BCLAF3: variants seen among roughly 807,000 people sequenced by gnomAD.
The protein encoded by BCLAF3 is BCLAF1 and THRAP3 family member 3, also known as transient octamer binding factor 1.
In BCLAF3, 24 loss-of-function variants were observed where a neutral mutation model predicts 51.2. The observed-to-expected ratio is 0.47, with a 90% CI of 0.34 to 0.66. BCLAF3 has a LOEUF of 0.66. Ranked by LOEUF, BCLAF3 falls within the 30% of genes least tolerant of loss-of-function variation. The probability of loss-of-function intolerance (pLI) is 0.01; values close to 1 mark genes in which losing one functional copy is unlikely to be tolerated. For synonymous variants in BCLAF3, 152 were observed against 176.6 expected (o/e 0.86, Z 1.10); for missense variants, 465 against 525.1 (o/e 0.89, Z 1.12).
chrX:19,937,248 T>C (rs2070801078), intron 9 of BCLAF3, 170 bp downstream of exon 9: 1 of 443,501 alleles, frequency 2.3e-6, no homozygotes, highest in Non-Finnish European at 4.0e-6. Context: ...CTAAATCAAG[T>C]AAGAAATGAC....
At chrX:19,976,210 C>G (rs1298575145) in intron 1 of BCLAF3, among the ~76,000 whole-genome samples, 1 of 111,665 alleles carries the variant, frequency 9.0e-6, no homozygotes, top group Non-Finnish European at 1.9e-5. Context: ...GGCAGCTCCA[C>G]CCTTCCAGTT....
At position 19,966,334 on chromosome X, in the gene BCLAF3, A is replaced by G. The variant is rs2072054443; in HGVS notation, c.357T>C (p.Gly119=). 8.3e-7 allele frequency: 1 copy of G among 1,209,209 alleles called. No individual in the cohort carries two copies. Among genetic ancestry groups the G allele is most frequent in the Admixed American group, 2.2e-5 (1 of 45,589 alleles). ...TCCTTTCATGCTCTTTGTAGGGTAT[A>G]CCCTCTGAGTATTTGGGCATATACT... ...RAQYMPKYSE[G]IPYKEHERNS... Residue 119 remains glycine, a synonymous_variant, in exon 3 of 12, where the codon GGT becomes GGC. Coordinates refer to ENST00000379682, the MANE Select transcript of BCLAF3 (RefSeq NM_001367774.2).
Position 19,966,574 on chromosome X carries a change from A to G in BCLAF3, c.117T>C (p.Tyr39=), listed in dbSNP as rs757545349. The G allele has an allele frequency of 3.3e-6, 4 of 1,209,235 alleles. No homozygotes were observed. The highest frequency in any genetic ancestry group is 4.5e-6 in the Non-Finnish European group (4 of 895,166). Residue 39 remains tyrosine (Y), a synonymous_variant, in exon 3 of 12, where the codon TAT becomes TAC. Transcript: ENST00000379682. ...CGACGGGTCTTTTTGGATCCTTCCT[A>G]TATTCACAGCCATAATGCCCGTGTG... ...RHSHGHYGCE[Y]RKDPKRPVAW...
intron 1 of BCLAF3, among the ~76,000 whole-genome samples, chrX:19,984,072 CA>C (rs1168246147): frequency 3.8e-3 from 58 of 15,429 alleles, no homozygotes; most frequent in East Asian, 0.016. Flanking sequence ...GACTCCATCT[CA>C]AAAAAAAAAA....
At chrX:19,924,478 C>T (rs1470378497) in intron 11 of BCLAF3, among the ~76,000 whole-genome samples, 1 of 111,216 alleles carries the variant, frequency 9.0e-6, no homozygotes, top group Non-Finnish European at 1.9e-5. Flanking sequence ...GCTCAAGGGA[C>T]CTGGCAAGTG....
rs2069936206 is a variant in BCLAF3, at chrX:19,916,330, T to C, written c.*975A>G. On this transcript the variant is annotated 3_prime_UTR_variant, in exon 12 of 12. Coordinates refer to ENST00000379682, the MANE Select transcript of BCLAF3 (RefSeq NM_001367774.2). The stretch of plus-strand genomic sequence containing the variant: ...ACAAAAATGTAATTGGGAATGTATA[T>C]GTACTGTTAAGCAGAACACAGAAAA... 2 of 112,805 alleles carry C rather than the reference T, an allele frequency of 1.8e-5. No individual in the cohort carries two copies. The highest frequency in any genetic ancestry group is 3.8e-5 in the Non-Finnish European group (2 of 53,250). The allele number at this position is 112,805 out of a possible 1,213,427, so 9.3% of individuals were successfully genotyped here.
chrX:19,936,156 G>A (rs763561106), intron 9 of BCLAF3, among the ~76,000 whole-genome samples: 2 of 111,636 alleles, frequency 1.8e-5, no homozygotes, highest in South Asian at 7.5e-4. Flanking sequence ...AAACATACTC[G>A]TGTATAACAT....
At position 19,916,754 on chromosome X, in the gene BCLAF3, G is replaced by A. The variant is rs1458086147; in HGVS notation, c.*551C>T. ...CCTGATGGAATATTTGAAGCACCTTGTCTCTTGCCTTCTTATAATATGAAA... is the reference window on the plus strand; with the variant it reads ...CCTGATGGAATATTTGAAGCACCTTATCTCTTGCCTTCTTATAATATGAAA... On this transcript the variant is annotated 3_prime_UTR_variant, in exon 12 of 12. Coordinates refer to ENST00000379682, the MANE Select transcript of BCLAF3 (RefSeq NM_001367774.2). The A allele has an allele frequency of 1.8e-5, 2 of 112,324 alleles. No homozygotes were observed. The highest frequency in any genetic ancestry group is 5.5e-4 in the East Asian group (2 of 3,624). 9.3% of individuals were successfully genotyped at this position (112,324 alleles called of 1,213,427 possible).
intron 8 of BCLAF3, among the ~76,000 whole-genome samples, chrX:19,940,281 T>A (rs769716803): frequency 0.014 from 1,564 of 109,292 alleles, 28 homozygotes; most frequent in African/African-American, 0.045. Flanking sequence ...TATTTATTTT[T>A]TTTTTTTTAT....
chrX:19,918,581 C>T (rs1284861636), intron 11 of BCLAF3, among the ~76,000 whole-genome samples: 6 of 89,206 alleles, frequency 6.7e-5, no homozygotes, highest in Non-Finnish European at 1.1e-4. Context: ...GTCTCCGTTG[C>T]CCAGGCTGGA....
rs899882922 is a variant in BCLAF3, at chrX:19,914,194, T to C, written c.*3111A>G. ...TGAGATGGAAGCAAAGACTTCGTTG[T>C]CCCAAGAGTTTTCCTTGACTCTCCT... is the stretch of plus-strand genomic sequence containing the variant. On this transcript the variant is annotated 3_prime_UTR_variant, in exon 12 of 12. Coordinates refer to ENST00000379682, the MANE Select transcript of BCLAF3 (RefSeq NM_001367774.2). The C allele has an allele frequency of 2.7e-5, 3 of 111,421 alleles. No individual in the cohort carries two copies. The highest frequency in any genetic ancestry group is 9.8e-5 in the African/African-American group (3 of 30,586). 9.2% of individuals were successfully genotyped at this position (111,421 alleles called of 1,213,427 possible).
chrX:19,975,941 C>T (rs2072412854), intron 1 of BCLAF3, among the ~76,000 whole-genome samples: 1 of 112,078 alleles, frequency 8.9e-6, no homozygotes, highest in South Asian at 3.7e-4. Flanking sequence ...CACCCTGACC[C>T]TTAAGAGTGA....
chrX:19,986,438 C>T (rs1395728440), intron 1 of BCLAF3, among the ~76,000 whole-genome samples: 4 of 111,898 alleles, frequency 3.6e-5, no homozygotes, highest in East Asian at 5.6e-4. Context: ...AGAGACAGTA[C>T]GGCACAAGAA....
At chrX:19,972,683 T>G (rs373895024) in intron 1 of BCLAF3, among the ~76,000 whole-genome samples, 2 of 111,912 alleles carry the variant, frequency 1.8e-5, no homozygotes, top group Admixed American at 9.5e-5. Context: ...CCCGTTTCTA[T>G]GGATCTGCCT....
intron 8 of BCLAF3, among the ~76,000 whole-genome samples, chrX:19,939,658 A>T (rs1309508537): frequency 8.9e-6 from 1 of 112,368 alleles, no homozygotes; most frequent in Non-Finnish European, 1.9e-5. Flanking sequence ...GGGTGAAAGC[A>T]ATACAAATGT....
chrX:19,952,351 T>C lies in BCLAF3; in HGVS notation c.1629+637A>G, dbSNP rs181417536. 3.4e-3 allele frequency among the ~76,000 whole-genome samples: 374 copies of C among 109,652 alleles called. 1 individual carries two copies. Among genetic ancestry groups the C allele is most frequent in the Non-Finnish European group, 4.4e-3 (234 of 52,713 alleles). On this transcript the variant is annotated intron_variant, in intron 7 of 11. Transcript: ENST00000379682. ...GACTCTTTATCCTCAATGAATAAAT[T>C]AGCAGTTCTTTTAGAACTTGATATA... is the stretch of plus-strand genomic sequence containing the variant.
At chrX:19,961,294 G>C (rs377766316) in intron 4 of BCLAF3, among the ~76,000 whole-genome samples, 37 of 112,351 alleles carry the variant, frequency 3.3e-4, no homozygotes, top group African/African-American at 1.2e-3. Flanking sequence ...TGACAGAGTG[G>C]ATCATTAGAA....
Position 19,966,381 on chromosome X carries a change from C to T in BCLAF3, c.310G>A (p.Gly104Arg), listed in dbSNP as rs1186986479. 1 of 1,211,812 alleles carries T rather than the reference C, an allele frequency of 8.3e-7. No individual in the cohort carries two copies. The highest frequency in any genetic ancestry group is 2.2e-5 in the Admixed American group (1 of 46,002). Residue 104 changes from glycine to arginine, a missense_variant, in exon 3 of 12, where the codon GGG becomes AGG. Gly to Arg is a moderately radical substitution (Grantham distance 125, BLOSUM62 -2). Transcript: ENST00000379682. ...KPHRGYSPGR[G>R]DSNRRAQYMP... ...TACTGAGCTCTCCTGTTACTGTCCCCTCTTCCAGGCGAATATCCTCTGTGA... is the reference window on the plus strand; with the variant it reads ...TACTGAGCTCTCCTGTTACTGTCCCTTCTTCCAGGCGAATATCCTCTGTGA...
chrX:19,975,344 CT>C (rs996077026), intron 1 of BCLAF3, among the ~76,000 whole-genome samples: 15 of 105,169 alleles, frequency 1.4e-4, no homozygotes, highest in African/African-American at 4.5e-4. Context: ...TTTTCCCTTC[CT>C]TTTTTTTTCT....
Sources: allele counts gnomAD v4.1 joint callset (sites outside exome capture counted in the v4.1 genomes callset), GRCh38; gene constraint gnomAD v4.1.1; transcripts MANE v1.5; gene names NCBI Gene and HGNC (gene_info 2026-07-23, HGNC 2026-07-21).